The following ING3 variants were observed in gnomAD, a reference collection of about 807,000 sequenced individuals.
The protein encoded by ING3 is inhibitor of growth protein 3.
ING3 carries 6 observed loss-of-function variants against 64.8 expected under a neutral mutation model. The observed-to-expected ratio is 0.09, with a 90% CI of 0.05 to 0.18. The LOEUF (loss-of-function observed/expected upper bound fraction) is 0.18. Ranked by LOEUF, ING3 falls within the 10% of genes least tolerant of loss-of-function variation. The pLI is 1.00. For synonymous variants in ING3, 170 were observed against 173.7 expected (o/e 0.98, Z 0.17); for missense variants, 310 against 489.7 (o/e 0.63, Z 3.46).
chr7:120,950,796 G>C lies in ING3; in HGVS notation c.-101G>C. 1.0e-6 allele frequency: 1 copy of C among 962,272 alleles called. No homozygotes were observed. The highest frequency in any genetic ancestry group is 1.7e-5 in the South Asian group (1 of 58,822). The allele number at this position is 962,272 out of a possible 1,614,324, so 59.6% of individuals were successfully genotyped here. ...TTTTTGCCGGAGTCGAGCGGGTGCT[G>C]CTAGCGGAGGCGCCATATTGGAGGG... On this transcript the variant is annotated 5_prime_UTR_variant, in exon 1 of 12. Coordinates refer to ENST00000315870, the MANE Select transcript of ING3 (RefSeq NM_019071.3).
At chr7:120,961,332 C>G (rs371153750) in intron 4 of ING3, among the ~76,000 whole-genome samples, 2 of 152,280 alleles carry the variant, frequency 1.3e-5, no homozygotes, top group East Asian at 3.9e-4. Context: ...ACCCTCTTTA[C>G]TCGCTATTAC....
chr7:120,950,877 C>T lies in ING3; in HGVS notation c.-20C>T, dbSNP rs747153363. On this transcript the variant is annotated 5_prime_UTR_variant, in exon 1 of 12. Coordinates refer to ENST00000315870, the MANE Select transcript of ING3 (RefSeq NM_019071.3). ...AATAAACCCCTGGACCCCCTTGTTC[C>T]CTCAGCTCTAAGGGCCGCGATGTTG... is the stretch of plus-strand genomic sequence containing the variant. 15 of 1,613,590 alleles carry T rather than the reference C, an allele frequency of 9.3e-6. No homozygotes were observed. The highest frequency in any genetic ancestry group is 6.6e-5 in the South Asian group (6 of 91,054).
chr7:120,955,843 T>C lies in ING3; in HGVS notation c.267+219T>C, dbSNP rs188758329. 1.2e-5 allele frequency: 7 copies of C among 580,388 alleles called. No homozygotes were observed. The East Asian group carries it at 1.7e-4, about 14-fold the overall frequency. The allele number at this position is 580,388 out of a possible 1,614,324, so 36.0% of individuals were successfully genotyped here. A position where few individuals can be genotyped will look rare whatever the true frequency, so the allele number is the denominator to read the frequency against. ...GGTGAGAACTGTACATTTTAGCAAG[T>C]CTATACGGCGGTAAGGTGGTTTCTG... On this transcript the variant is annotated intron_variant, in intron 4 of 11. Coordinates refer to ENST00000315870, the MANE Select transcript of ING3 (RefSeq NM_019071.3).
In ING3 at chr7:120,975,747, C is replaced by T. The variant is rs1483309057; in HGVS notation, c.*903C>T. The stretch of plus-strand genomic sequence containing the variant: ...CATAATCTAAAAAGAATCAGAGACC[C>T]AGGACACAGAATACTGTGTAATCTG... On this transcript the variant is annotated 3_prime_UTR_variant, in exon 12 of 12. Transcript: ENST00000315870. 6.6e-6 allele frequency: 1 copy of T among 151,958 alleles called. No homozygotes were observed. The highest frequency in any genetic ancestry group is 2.4e-5 in the African/African-American group (1 of 41,354). 9.4% of individuals were successfully genotyped at this position (151,958 alleles called of 1,614,324 possible).
chr7:120,957,203 C>G (rs554072175), intron 4 of ING3, among the ~76,000 whole-genome samples: 27 of 150,852 alleles, frequency 1.8e-4, no homozygotes, highest in African/African-American at 6.5e-4. Flanking sequence ...AACCCCATCT[C>G]TACTAAAAAT....
intron 4 of ING3, among the ~76,000 whole-genome samples, chr7:120,958,647 C>T (rs1169470196): frequency 6.6e-6 from 1 of 152,214 alleles, no homozygotes. Context: ...TTGTTGCTGC[C>T]TTAGGGCATG....
At chr7:120,972,770 A>G (rs1323075239) in intron 10 of ING3, among the ~76,000 whole-genome samples, 1 of 152,180 alleles carries the variant, frequency 6.6e-6, no homozygotes. Flanking sequence ...TGAAGAGCAA[A>G]AGAAAAATGA....
At chr7:120,963,790 A>G (rs6971619) in intron 4 of ING3, among the ~76,000 whole-genome samples, 18,321 of 152,086 alleles carry the variant, frequency 0.12, 1,629 homozygotes, top group East Asian at 0.3. Context: ...TTAATTCTAA[A>G]CCTTACTTAA....
At chr7:120,972,169 G>T (rs1461152293) in intron 10 of ING3, among the ~76,000 whole-genome samples, 1 of 151,524 alleles carries the variant, frequency 6.6e-6, no homozygotes, top group Non-Finnish European at 1.5e-5. Context: ...TTTTTATGAA[G>T]CAAGCCATGG....
intron 1 of ING3, 47 bp from the exon 2 acceptor site, chr7:120,951,117 T>C (rs1795756360): frequency 1.3e-6 from 2 of 1,599,942 alleles, no homozygotes; most frequent in Non-Finnish European, 1.7e-6. Flanking sequence ...CGTAAGCGCG[T>C]ATTTCGCCGT....
At chr7:120,962,754 A>G (rs548219202) in intron 4 of ING3, among the ~76,000 whole-genome samples, 5 of 152,128 alleles carry the variant, frequency 3.3e-5, no homozygotes, top group African/African-American at 1.2e-4. Context: ...TTTGAATACA[A>G]TCCATCTTCA....
At chr7:120,969,301 C>A in intron 9 of ING3, 97 bp downstream of exon 9, 1 of 861,282 alleles carries the variant, frequency 1.2e-6, no homozygotes, top group Non-Finnish European at 1.7e-6. Flanking sequence ...CAGGATATAA[C>A]GGATTAAAAT....
rs1003967776 is a variant in ING3, at chr7:120,977,059, T to C, written c.*2215T>C. The stretch of plus-strand genomic sequence containing the variant: ...TTATAAAATACACATTCAAAATCTC[T>C]GTTGTACAAAACTCATGTAACAGTT... On this transcript the variant is annotated 3_prime_UTR_variant, in exon 12 of 12. Transcript: ENST00000315870. The C allele has an allele frequency of 6.6e-6, 1 of 152,202 alleles. No homozygotes were observed. Among genetic ancestry groups the C allele is most frequent in the Non-Finnish European group, 1.5e-5 (1 of 68,030 alleles). 9.4% of individuals were successfully genotyped at this position (152,202 alleles called of 1,614,324 possible).
At chr7:120,953,566 T>G (rs1321052495) in intron 3 of ING3, among the ~76,000 whole-genome samples, 162 bp downstream of exon 3, 1 of 152,202 alleles carries the variant, frequency 6.6e-6, no homozygotes, top group Non-Finnish European at 1.5e-5. Flanking sequence ...AGATAGGGAT[T>G]TTTAGTCATT....
chr7:120,959,762 C>T (rs1795905645), intron 4 of ING3, among the ~76,000 whole-genome samples: 1 of 149,684 alleles, frequency 6.7e-6, no homozygotes, highest in Admixed American at 6.7e-5. Flanking sequence ...TCTCCTGCCT[C>T]AGCCTCCCGA....
Position 120,975,992 on chromosome 7 carries a change from C to G in ING3, c.*1148C>G, listed in dbSNP as rs1485076028. The G allele has an allele frequency of 1.7e-4, 26 of 152,024 alleles. No individual in the cohort carries two copies. The highest frequency in any genetic ancestry group is 1.7e-3 in the Admixed American group (26 of 15,252). 9.4% of individuals were successfully genotyped at this position (152,024 alleles called of 1,614,324 possible). On this transcript the variant is annotated 3_prime_UTR_variant, in exon 12 of 12. Coordinates refer to ENST00000315870, the MANE Select transcript of ING3 (RefSeq NM_019071.3). ...GTAGCCAAATAGAGTAAAGAGACCC[C>G]CCTGGTCGGGAGCTCCAAATTGAGC...
intron 4 of ING3, chr7:120,956,434 T>C (rs1795848560): frequency 1.6e-6 from 2 of 1,225,530 alleles, no homozygotes; most frequent in Admixed American, 8.1e-5. Context: ...AAAATGTCAT[T>C]GGTGAGCAGG....
intron 9 of ING3, among the ~76,000 whole-genome samples, chr7:120,970,207 T>G (rs1024101758): frequency 2.0e-5 from 3 of 152,144 alleles, no homozygotes; most frequent in Admixed American, 1.3e-4. Flanking sequence ...GGCTCATGCC[T>G]ATAATCCCAG....
At chr7:120,960,168 A>G (rs188366570) in intron 4 of ING3, among the ~76,000 whole-genome samples, 47 of 152,300 alleles carry the variant, frequency 3.1e-4, no homozygotes, top group Admixed American at 2.9e-3. Context: ...GGCACGTGGT[A>G]TACCAAGGGC....
Sources: gnomAD v4.1 joint callset for allele counts (sites outside exome capture counted in the v4.1 genomes callset) on GRCh38, gnomAD v4.1.1 for gene constraint, MANE v1.5 for transcripts, NCBI Gene and HGNC (gene_info 2026-07-23, HGNC 2026-07-21) for gene names.